LRP1B: variants seen among roughly 807,000 people sequenced by gnomAD.
LRP1B encodes low-density lipoprotein receptor-related protein 1B.
In LRP1B, 217 loss-of-function variants were observed where a neutral mutation model predicts 556.6. The observed-to-expected ratio is 0.39, with a 90% confidence interval of 0.35 to 0.44. LRP1B has a LOEUF of 0.44. Ranked by LOEUF, LRP1B falls within the 20% of genes least tolerant of loss-of-function variation. The probability of loss-of-function intolerance (pLI) is 1.00; values close to 1 mark genes in which losing one functional copy is unlikely to be tolerated. For missense variants in LRP1B, 5,053 were observed against 5,620.8 expected, an observed-to-expected ratio of 0.90 and a Z score of 3.23; for synonymous variants, 2,047 against 1,865.8, an observed-to-expected ratio of 1.10 and a Z score of -2.50.
chr2:141,239,071 T>C (rs1305147711), intron 5 of LRP1B, among the ~76,000 whole-genome samples: 1 of 151,976 alleles, frequency 6.6e-6, no homozygotes, highest in Non-Finnish European at 1.5e-5. Flanking sequence ...AGGAAATCAA[T>C]AAAAAGATGT....
At chr2:140,779,577 C>G (rs1364323408) in intron 32 of LRP1B, among the ~76,000 whole-genome samples, 1 of 151,918 alleles carries the variant, frequency 6.6e-6, no homozygotes, top group African/African-American at 2.4e-5. Flanking sequence ...CGCCTGTAAT[C>G]CCAGCTACTC....
intron 7 of LRP1B, among the ~76,000 whole-genome samples, chr2:141,178,936 G>T (rs1466809208): frequency 6.6e-6 from 1 of 152,020 alleles, no homozygotes; most frequent in African/African-American, 2.4e-5. Context: ...TAATTTAATT[G>T]TATTAAGTCA....
At chr2:141,511,626 G>A (rs1684135275) in intron 2 of LRP1B, among the ~76,000 whole-genome samples, 1 of 152,168 alleles carries the variant, frequency 6.6e-6, no homozygotes, top group Non-Finnish European at 1.5e-5. Flanking sequence ...GCCAGAATAA[G>A]TTACAGCTTT....
intron 2 of LRP1B, among the ~76,000 whole-genome samples, chr2:141,623,150 G>A (rs552031026): frequency 6.6e-6 from 1 of 151,952 alleles, no homozygotes; most frequent in Admixed American, 6.6e-5. Context: ...TTTAAAATCT[G>A]TCTTCAAAGC....
At position 140,836,587 on chromosome 2, in the gene LRP1B, C is replaced by T. The variant is rs573461896; in HGVS notation, c.5209+3404G>A. On this transcript the variant is annotated intron_variant, in intron 31 of 90. Coordinates refer to ENST00000389484, the MANE Select transcript of LRP1B (RefSeq NM_018557.3). ...TACCAAAGGAGATGTTAGTGATCTA[C>T]GAACATTGCTCATGGTAGGGAGATG... 1.5e-4 allele frequency among the ~76,000 whole-genome samples: 23 copies of T among 152,174 alleles called. No individual in the cohort carries two copies. In the East Asian group the frequency reaches 2.3e-3, roughly 15 times the overall value.
intron 43 of LRP1B, among the ~76,000 whole-genome samples, chr2:140,597,428 A>G (rs474837): frequency 0.1 from 15,617 of 152,192 alleles, 1,329 homozygotes; most frequent in African/African-American, 0.23. Flanking sequence ...TCATGACATA[A>G]TAAAAAATGA....
chr2:141,051,211 C>T (rs527361405), intron 10 of LRP1B, among the ~76,000 whole-genome samples: 5 of 152,184 alleles, frequency 3.3e-5, no homozygotes, highest in African/African-American at 9.6e-5. Context: ...TTCTGGAAGA[C>T]AGTGTGGCGA....
intron 59 of LRP1B, among the ~76,000 whole-genome samples, chr2:140,482,457 C>G (rs920951189): frequency 2.6e-5 from 4 of 152,018 alleles, no homozygotes; most frequent in African/African-American, 9.7e-5. Flanking sequence ...ATCCTGCATA[C>G]AGGTAATTTT....
intron 2 of LRP1B, among the ~76,000 whole-genome samples, chr2:141,567,300 T>C (rs1272337014): frequency 6.6e-6 from 1 of 152,096 alleles, no homozygotes; most frequent in Non-Finnish European, 1.5e-5. Flanking sequence ...AGAATTGCAA[T>C]AATTATATAT....
At chr2:140,400,653 G>A (rs949756294) in intron 66 of LRP1B, among the ~76,000 whole-genome samples, 3 of 152,144 alleles carry the variant, frequency 2.0e-5, no homozygotes, top group Non-Finnish European at 2.9e-5. Flanking sequence ...TGGAAGGAGA[G>A]AATAACGTGT....
chr2:141,662,150 C>T (rs982190429), intron 2 of LRP1B, among the ~76,000 whole-genome samples: 1 of 152,116 alleles, frequency 6.6e-6, no homozygotes, highest in South Asian at 2.1e-4. Flanking sequence ...TCATCACCAC[C>T]AGGCCTACCT....
intron 25 of LRP1B, among the ~76,000 whole-genome samples, chr2:140,879,949 T>C (rs1573835631): frequency 6.9e-6 from 1 of 144,858 alleles, no homozygotes; most frequent in East Asian, 2.0e-4. Flanking sequence ...ATGATCCTGG[T>C]TAAAAAAAAA....
chr2:140,762,702 T>G (rs1195308572), intron 35 of LRP1B, among the ~76,000 whole-genome samples: 1 of 152,156 alleles, frequency 6.6e-6, no homozygotes, highest in Non-Finnish European at 1.5e-5. Context: ...AAAATGAAAT[T>G]AAAGATCCAT....
intron 7 of LRP1B, among the ~76,000 whole-genome samples, chr2:141,062,904 T>C (rs943981432): frequency 4.0e-5 from 6 of 151,842 alleles, no homozygotes; most frequent in African/African-American, 1.2e-4. Context: ...TTTCTTCTTG[T>C]TTTTTCTTAA....
chr2:140,328,154 C>A (rs1680595963), intron 79 of LRP1B, among the ~76,000 whole-genome samples: 1 of 151,924 alleles, frequency 6.6e-6, no homozygotes, highest in Admixed American at 6.6e-5. Context: ...TCAAGAAACT[C>A]ATTTTTATCT....
chr2:140,471,179 C>G (rs1330916304), intron 60 of LRP1B, among the ~76,000 whole-genome samples: 1 of 152,154 alleles, frequency 6.6e-6, no homozygotes, highest in African/African-American at 2.4e-5. Flanking sequence ...CTCACTGGAC[C>G]TATTCCATGT....
chr2:141,060,925 G>A (rs868573113), intron 8 of LRP1B, among the ~76,000 whole-genome samples: 2 of 151,438 alleles, frequency 1.3e-5, no homozygotes, highest in African/African-American at 4.8e-5. Flanking sequence ...ATAGACATGG[G>A]GAAAAAAGAA....
At chr2:141,753,262 C>CTCTCTCTCTCTCTCT (rs70994451) in intron 2 of LRP1B, among the ~76,000 whole-genome samples, 1 of 36,172 alleles carries the variant, frequency 2.8e-5, no homozygotes, top group African/African-American at 1.1e-4. Context: ...CTCTCTCTCT[C>CTCTCTCTCTCTCTCT]CATATATATA....
At chr2:141,342,578 A>G (rs867658539) in intron 3 of LRP1B, among the ~76,000 whole-genome samples, 2 of 152,102 alleles carry the variant, frequency 1.3e-5, no homozygotes, top group Middle Eastern at 3.4e-3. Context: ...TGAAGCATAC[A>G]CAAGTATCGA....
Sources: allele counts gnomAD v4.1 joint callset (sites outside exome capture counted in the v4.1 genomes callset), GRCh38; gene constraint gnomAD v4.1.1; transcripts MANE v1.5; gene names NCBI Gene and HGNC (gene_info 2026-07-23, HGNC 2026-07-21).